LRRFIP2: variants seen among roughly 807,000 people sequenced by gnomAD.
The protein encoded by LRRFIP2 is leucine-rich repeat flightless-interacting protein 2.
Under a neutral mutation model 125.9 loss-of-function variants are expected in LRRFIP2, and 109 were observed. That is an observed-to-expected ratio of 0.87 (90% CI 0.74 to 1.01). The LOEUF (loss-of-function observed/expected upper bound fraction) is 1.01, where lower values mean the gene tolerates loss of function less well. Ranked by LOEUF, LRRFIP2 falls within the 50% of genes least tolerant of loss-of-function variation. The pLI is 0.00. For synonymous variants in LRRFIP2, 291 were observed against 293.1 expected (o/e 0.99, Z 0.07); for missense variants, 850 against 862.3 (o/e 0.99, Z 0.18).
At chr3:37,132,650 T>C (rs1181271672) in intron 2 of LRRFIP2, among the ~76,000 whole-genome samples, 3 of 152,218 alleles carry the variant, frequency 2.0e-5, no homozygotes, top group Admixed American at 2.0e-4. Flanking sequence ...TATTACTAGA[T>C]GCTTGAAGCA....
chr3:37,163,567 G>A (rs2096400833), intron 1 of LRRFIP2, among the ~76,000 whole-genome samples: 1 of 152,170 alleles, frequency 6.6e-6, no homozygotes, highest in African/African-American at 2.4e-5. Flanking sequence ...CAATGACTCT[G>A]TGGAACAGAC....
At chr3:37,091,813 G>A (rs911032620) in intron 17 of LRRFIP2, among the ~76,000 whole-genome samples, 1 of 151,814 alleles carries the variant, frequency 6.6e-6, no homozygotes, top group Non-Finnish European at 1.5e-5. Flanking sequence ...ATGGGGACAG[G>A]GCTATATATG....
chr3:37,139,508 T>C (rs2095637754), intron 2 of LRRFIP2, among the ~76,000 whole-genome samples: 1 of 152,188 alleles, frequency 6.6e-6, no homozygotes, highest in African/African-American at 2.4e-5. Context: ...CATTTTAAGG[T>C]CTGAAGAAGG....
At chr3:37,126,610 G>A (rs1381054270) in intron 4 of LRRFIP2, among the ~76,000 whole-genome samples, 1 of 151,716 alleles carries the variant, frequency 6.6e-6, no homozygotes, top group Non-Finnish European at 1.5e-5. Context: ...TGTAATCCCA[G>A]CACTTTGAGA....
At chr3:37,072,330 G>A (rs192872409) in intron 21 of LRRFIP2, among the ~76,000 whole-genome samples, 32 of 151,812 alleles carry the variant, frequency 2.1e-4, no homozygotes, top group Admixed American at 5.2e-4. Context: ...GTGAAACCCC[G>A]TCTCTAATAA....
intron 13 of LRRFIP2, among the ~76,000 whole-genome samples, chr3:37,107,412 T>G (rs1028150251): frequency 6.6e-6 from 1 of 152,120 alleles, no homozygotes; most frequent in Non-Finnish European, 1.5e-5. Context: ...GAAAATATAT[T>G]GAGGAGCAGT....
intron 2 of LRRFIP2, among the ~76,000 whole-genome samples, chr3:37,138,506 A>G (rs2149828048): frequency 6.6e-6 from 1 of 152,340 alleles, no homozygotes; most frequent in South Asian, 2.1e-4. Flanking sequence ...AATGAACCAC[A>G]AATAAGTGTA....
intron 25 of LRRFIP2, among the ~76,000 whole-genome samples, chr3:37,058,477 C>G (rs1324263693): frequency 6.6e-6 from 1 of 152,030 alleles, no homozygotes; most frequent in Non-Finnish European, 1.5e-5. Context: ...AGTTCGAGAC[C>G]AGCCTGGTAA....
At chr3:37,063,676 A>G (rs1190880885) in intron 24 of LRRFIP2, 66 bp downstream of exon 24, 4 of 1,152,578 alleles carry the variant, frequency 3.5e-6, no homozygotes, top group South Asian at 2.5e-5. Flanking sequence ...GAACATTTCA[A>G]TTAGCCAGTA....
At chr3:37,139,024 T>C (rs1033774989) in intron 2 of LRRFIP2, among the ~76,000 whole-genome samples, 1 of 152,138 alleles carries the variant, frequency 6.6e-6, no homozygotes, top group African/African-American at 2.4e-5. Context: ...CAGAGCCGGC[T>C]CCTGTGAGAC....
intron 24 of LRRFIP2, 132 bp downstream of exon 24, chr3:37,063,610 C>T (rs1220882036): frequency 1.4e-6 from 1 of 719,102 alleles, no homozygotes. Context: ...TATGAATTAT[C>T]TATCCTTCAT....
In LRRFIP2 at chr3:37,110,751, TG is replaced by T. The variant is rs201531303; in HGVS notation, c.513+239del. Among the ~76,000 whole-genome samples the T allele has an allele frequency of 9.1e-3, 1,382 of 152,336 alleles. 23 individuals are homozygous for T. The highest frequency in any genetic ancestry group is 0.032 in the African/African-American group (1,319 of 41,578). On this transcript the variant is annotated intron_variant, in intron 9 of 27. Coordinates refer to ENST00000336686, the MANE Select transcript of LRRFIP2 (RefSeq NM_006309.4). ...ACTGTATTATTCCTTGAACTTTTTT[TG>T]TACATTTAAACATCTTTATTTAAAA... is the stretch of plus-strand genomic sequence containing the variant.
At chr3:37,154,027 T>C (rs1202069432) in intron 1 of LRRFIP2, among the ~76,000 whole-genome samples, 2 of 100,164 alleles carry the variant, frequency 2.0e-5, no homozygotes, top group Admixed American at 2.0e-4. Context: ...AAAAAAAAAT[T>C]ATCCAGACAT....
chr3:37,072,438 G>A (rs1268520114), intron 21 of LRRFIP2, among the ~76,000 whole-genome samples: 1 of 144,432 alleles, frequency 6.9e-6, no homozygotes, highest in African/African-American at 2.6e-5. Context: ...GGAGGCAGAG[G>A]TTGTAGTGAG....
At chr3:37,100,427 T>C (rs539676339) in intron 15 of LRRFIP2, among the ~76,000 whole-genome samples, 53 of 127,492 alleles carry the variant, frequency 4.2e-4, no homozygotes, top group African/African-American at 1.4e-3. Flanking sequence ...TACATACATA[T>C]ATGTATACAC....
intron 4 of LRRFIP2, among the ~76,000 whole-genome samples, chr3:37,127,069 G>C (rs1193352314): frequency 1.3e-5 from 2 of 152,084 alleles, no homozygotes; most frequent in Non-Finnish European, 2.9e-5. Flanking sequence ...CATATACCAA[G>C]TTAAGAAGCC....
At chr3:37,171,052 C>G (rs1578135127) in intron 1 of LRRFIP2, 1 of 152,278 alleles carries the variant, frequency 6.6e-6, no homozygotes, top group African/African-American at 2.4e-5. Flanking sequence ...CCAGCGTGGG[C>G]ATCAGAGTGA....
rs942520938 is a variant in LRRFIP2, at chr3:37,063,805, A to G, written c.1700-14T>C. On this transcript the variant is annotated splice_polypyrimidine_tract_variant and intron_variant, in intron 23 of 27. Coordinates refer to ENST00000336686, the MANE Select transcript of LRRFIP2 (RefSeq NM_006309.4). Reference sequence around the variant, plus strand: ...GTAGCCTTACATCTAAAACAAATGAAAAAGATCATAAACTAAATATGTGAT... The same window carrying G: ...GTAGCCTTACATCTAAAACAAATGAGAAAGATCATAAACTAAATATGTGAT... 1.9e-6 allele frequency: 3 copies of G among 1,601,246 alleles called. No individual in the cohort carries two copies. Among genetic ancestry groups the G allele is most frequent in the Non-Finnish European group, 2.6e-6 (3 of 1,168,532 alleles).
rs2092812359 is a variant in LRRFIP2, at chr3:37,083,600, T to A, written c.1278+36A>T. On this transcript the variant is annotated intron_variant, in intron 19 of 27. Coordinates refer to ENST00000336686, the MANE Select transcript of LRRFIP2 (RefSeq NM_006309.4). Reference sequence around the variant, plus strand: ...CACTTTGTAAGTGGCAGGCTTTTATTTTCTGCCCCAAGAGAAAATACAAGA... The same window carrying A: ...CACTTTGTAAGTGGCAGGCTTTTATATTCTGCCCCAAGAGAAAATACAAGA... 2.7e-6 allele frequency: 4 copies of A among 1,467,812 alleles called. No homozygotes were observed. The African/African-American group carries it at 5.9e-5, about 22-fold the overall frequency. The allele number at this position is 1,467,812 out of a possible 1,614,324, so 90.9% of individuals were successfully genotyped here. A position where few individuals can be genotyped will look rare whatever the true frequency, so the allele number is the denominator to read the frequency against.
Sources: gnomAD v4.1 joint callset for allele counts (sites outside exome capture counted in the v4.1 genomes callset) on GRCh38, gnomAD v4.1.1 for gene constraint, MANE v1.5 for transcripts, NCBI Gene and HGNC (gene_info 2026-07-23, HGNC 2026-07-21) for gene names.